The following TPTE2 variants were observed in gnomAD, a reference collection of about 807,000 sequenced individuals.
TPTE2 encodes transmembrane phosphoinositide 3-phosphatase and tensin homolog 2.
In TPTE2, 53 loss-of-function variants were observed where a neutral mutation model predicts 78.6. The observed-to-expected ratio is 0.67, with a 90% CI of 0.54 to 0.85. The LOEUF is 0.85. Ranked by LOEUF, TPTE2 falls within the 40% of genes least tolerant of loss-of-function variation. The pLI is 0.00. For synonymous variants in TPTE2, 175 were observed against 206.2 expected, an observed-to-expected ratio of 0.85 and a Z score of 1.30; for missense variants, 461 against 623.0, an observed-to-expected ratio of 0.74 and a Z score of 2.77.
chr13:19,424,498 C>T (rs1477587112), intron 19 of TPTE2, among the ~76,000 whole-genome samples: 9 of 152,146 alleles, frequency 5.9e-5, no homozygotes, highest in Non-Finnish European at 8.8e-5. Flanking sequence ...TAACTTCTCC[C>T]AGATATAAGT....
intron 17 of TPTE2, among the ~76,000 whole-genome samples, chr13:19,429,530 C>T (rs1046680152): frequency 2.0e-5 from 3 of 152,196 alleles, no homozygotes; most frequent in Non-Finnish European, 2.9e-5. Flanking sequence ...ATCTACCACT[C>T]AGTGGGTGCT....
intron 6 of TPTE2, among the ~76,000 whole-genome samples, chr13:19,467,988 T>G (rs1258056541): frequency 2.0e-5 from 3 of 148,872 alleles, no homozygotes; most frequent in South Asian, 2.2e-4. Context: ...CATAGTGATC[T>G]CTAGTTCCAT....
rs542457161 is a variant in TPTE2, at chr13:19,490,999, C to T, written c.119+1851G>A. On this transcript the variant is annotated intron_variant, in intron 3 of 19. Transcript: ENST00000400230. ...GAAGCATTCCTCTTAAGACCTATTC[C>T]TCTTTTATCCAACTAGATCGAAGAA... 2.2e-3 allele frequency among the ~76,000 whole-genome samples: 335 copies of T among 152,254 alleles called. 2 individuals carry two copies. Among genetic ancestry groups the T allele is most frequent in the Middle Eastern group, 3.4e-3 (1 of 294 alleles).
chr13:19,451,110 C>T (rs776289927), intron 11 of TPTE2, 55 bp downstream of exon 14: 11 of 1,583,948 alleles, frequency 6.9e-6, no homozygotes, highest in South Asian at 3.4e-5. Context: ...CATCTTCTTA[C>T]GTGCAGTAAT....
At chr13:19,499,507 A>G (rs8000173) in intron 1 of TPTE2, among the ~76,000 whole-genome samples, 115,913 of 118,698 alleles carry the variant, frequency 0.98, 56,648 homozygotes, top group South Asian at 1. Context: ...ACTCAAAACC[A>G]CTCAACTACA....
intron 4 of TPTE2, among the ~76,000 whole-genome samples, chr13:19,479,795 C>G (rs1159366795): frequency 2.0e-5 from 3 of 151,940 alleles, no homozygotes; most frequent in Non-Finnish European, 2.9e-5. Flanking sequence ...AACTCCATCT[C>G]TACTAAAAAT....
At chr13:19,467,845 C>T (rs1879362807) in intron 6 of TPTE2, among the ~76,000 whole-genome samples, 2 of 145,090 alleles carry the variant, frequency 1.4e-5, no homozygotes, top group Non-Finnish European at 3.0e-5. Flanking sequence ...CTACCATTCC[C>T]AGCCTCTGAT....
At chr13:19,510,766 A>T (rs1026138109) in intron 1 of TPTE2, among the ~76,000 whole-genome samples, 17 of 152,224 alleles carry the variant, frequency 1.1e-4, no homozygotes, top group African/African-American at 4.1e-4. Context: ...AACACATGTA[A>T]ATTAACAAGA....
At chr13:19,556,328 T>G in the TPTE2 span, among the ~76,000 whole-genome samples, 1 of 152,176 alleles carries the variant, frequency 6.6e-6, no homozygotes, top group Non-Finnish European at 1.5e-5. Context: ...TAGTACAATT[T>G]GTTCAAAAAA....
At chr13:19,539,712 G>C (rs906484449), upstream of TPTE2, among the ~76,000 whole-genome samples, 1 of 152,038 alleles carries the variant, frequency 6.6e-6, no homozygotes, top group Non-Finnish European at 1.5e-5. Flanking sequence ...AATTATTATA[G>C]CTTTATAATA....
intron 17 of TPTE2, among the ~76,000 whole-genome samples, chr13:19,426,961 T>C (rs1876145992): frequency 6.6e-6 from 1 of 151,736 alleles, no homozygotes; most frequent in Non-Finnish European, 1.5e-5. Flanking sequence ...CGCCTGGGCC[T>C]CCCAAAGTGC....
intron 17 of TPTE2, 149 bp downstream of exon 20, chr13:19,430,319 A>G (rs1876466910): frequency 4.6e-6 from 3 of 652,780 alleles, no homozygotes; most frequent in Non-Finnish European, 5.3e-6. Context: ...TTTGCATCCA[A>G]ACCCAGTGAC....
chr13:19,435,969 G>A (rs1191420185), intron 15 of TPTE2, among the ~76,000 whole-genome samples: 1 of 152,062 alleles, frequency 6.6e-6, no homozygotes, highest in Non-Finnish European at 1.5e-5. Context: ...GAAAATAATC[G>A]ACTCCTGAGC....
the TPTE2 span, among the ~76,000 whole-genome samples, chr13:19,544,934 TCACACACACACACACACACACA>T: frequency 8.4e-5 from 12 of 142,420 alleles, no homozygotes; most frequent in African/African-American, 2.3e-4. Flanking sequence ...ACGTGCACAC[TCACACACACACACACACACACA>T]CACACACACA....
At chr13:19,530,172 A>T (rs1297906481) in intron 1 of TPTE2, among the ~76,000 whole-genome samples, 10 of 152,200 alleles carry the variant, frequency 6.6e-5, no homozygotes, top group Non-Finnish European at 1.5e-4. Flanking sequence ...CTAGGGTTTA[A>T]GTGCTGGCTG....
chr13:19,541,169 G>T (rs965147807), upstream of TPTE2, among the ~76,000 whole-genome samples: 4 of 152,194 alleles, frequency 2.6e-5, no homozygotes, highest in African/African-American at 9.6e-5. Context: ...GGTCCCCAAG[G>T]TTTCTTGCCA....
intron 6 of TPTE2, among the ~76,000 whole-genome samples, chr13:19,468,975 T>C (rs1199411457): frequency 6.6e-6 from 1 of 152,226 alleles, no homozygotes; most frequent in Non-Finnish European, 1.5e-5. Flanking sequence ...GTGGGCTGCC[T>C]CTTCACTTTG....
At chr13:19,514,168 G>T (rs1869639665) in intron 1 of TPTE2, among the ~76,000 whole-genome samples, 1 of 152,146 alleles carries the variant, frequency 6.6e-6, no homozygotes, top group Non-Finnish European at 1.5e-5. Flanking sequence ...CAGGCATTCT[G>T]ATAGTTTCCT....
upstream of TPTE2, among the ~76,000 whole-genome samples, chr13:19,503,840 A>C (rs1015996120): frequency 3.9e-5 from 6 of 152,272 alleles, no homozygotes; most frequent in Non-Finnish European, 7.4e-5. Context: ...TCCCGGGTTC[A>C]CGCCATTCTC....
Sources: gnomAD v4.1 joint callset for allele counts (sites outside exome capture counted in the v4.1 genomes callset) on GRCh38, gnomAD v4.1.1 for gene constraint, MANE v1.5 for transcripts, NCBI Gene and HGNC (gene_info 2026-07-23, HGNC 2026-07-21) for gene names.